The following GALNT6 variants were observed in gnomAD, a reference collection of about 807,000 sequenced individuals.
The protein encoded by GALNT6 is GalNAc transferase 6.
In GALNT6, 51 loss-of-function variants were observed where a neutral mutation model predicts 65.9. That is an observed-to-expected ratio of 0.77 (90% CI 0.62 to 0.98). The LOEUF is 0.98. Ranked by LOEUF, GALNT6 falls within the 50% of genes least tolerant of loss-of-function variation. The probability of loss-of-function intolerance (pLI) is 0.00; values close to 1 mark genes in which losing one functional copy is unlikely to be tolerated. For synonymous variants in GALNT6, 323 were observed against 315.1 expected (o/e 1.02, Z -0.26); for missense variants, 708 against 803.3 (o/e 0.88, Z 1.43).
rs1321735373 is a variant in GALNT6 at position 51,385,096 on chromosome 12, C to T, written c.-103-5212G>A. On this transcript the variant is annotated intron_variant, in intron 2 of 11. Coordinates refer to ENST00000356317, the MANE Select transcript of GALNT6 (RefSeq NM_007210.4). Reference sequence around the variant, plus strand: ...CTTGACCTCCTGGGCTCAAAGGATCCTCCTACCTCAGCCTCTGGAGTAGCT... The same window carrying T: ...CTTGACCTCCTGGGCTCAAAGGATCTTCCTACCTCAGCCTCTGGAGTAGCT... Among the ~76,000 whole-genome samples, 3 of 152,054 alleles carry T rather than the reference C, an allele frequency of 2.0e-5. No homozygotes were observed. The East Asian group carries it at 5.8e-4, about 29-fold the overall frequency.
Position 51,358,200 on chromosome 12 carries a change from A to AAGTTGTGACAGTGC in GALNT6, c.1416_1429dup (p.Phe477CysfsTer22), listed in dbSNP as rs1279986238. On this transcript the variant is annotated frameshift_variant, in exon 9 of 12. Transcript: ENST00000356317. LOFTEE classifies it high-confidence loss of function. ...GTAGACATTGTGCAGGTACCAGGAA[A>AAGTTGTGACAGTGC]AGTTGTGACAGTGCAGTTGTTCCCT... The AAGTTGTGACAGTGC allele has an allele frequency of 1.2e-6, 2 of 1,614,068 alleles. No homozygotes were observed. Among genetic ancestry groups the AAGTTGTGACAGTGC allele is most frequent in the Non-Finnish European group, 1.7e-6 (2 of 1,179,964 alleles).
At chr12:51,390,811 C>G (rs931130420) in intron 2 of GALNT6, 39 bp downstream of exon 2, 3 of 152,238 alleles carry the variant, frequency 2.0e-5, no homozygotes, top group African/African-American at 7.2e-5. Flanking sequence ...GGCAAACTGA[C>G]CACCCTCCAC....
chr12:51,384,385 A>C (rs895697239), intron 2 of GALNT6, among the ~76,000 whole-genome samples: 8 of 152,188 alleles, frequency 5.3e-5, no homozygotes, highest in Non-Finnish European at 1.5e-5. Context: ...TTAGCATTCA[A>C]AAATTTCTTT....
intron 4 of GALNT6, among the ~76,000 whole-genome samples, chr12:51,372,905 C>A (rs1332422578): frequency 1.3e-5 from 2 of 152,252 alleles, no homozygotes; most frequent in African/African-American, 4.8e-5. Flanking sequence ...CAAAGGAAAT[C>A]ACTTTGGAAC....
rs1030711836 is a variant in GALNT6 at position 51,387,174 on chromosome 12, T to C, written c.-104+3676A>G. On this transcript the variant is annotated intron_variant, in intron 2 of 11. Transcript: ENST00000356317. This position sits in a 1 kb window ranked among gnomAD's most constrained non-coding sequence, Gnocchi z 4.2. ...GTGCAGTGGCGGGATCTCGGCTCAC[T>C]GCAACCTCCGACTCCTGGGTTCAAG... 6.6e-6 allele frequency among the ~76,000 whole-genome samples: 1 copy of C among 152,062 alleles called. No individual in the cohort carries two copies. Among genetic ancestry groups the C allele is most frequent in the African/African-American group, 2.4e-5 (1 of 41,392 alleles).
At chr12:51,368,721 C>T (rs570410973) in intron 4 of GALNT6, among the ~76,000 whole-genome samples, 2 of 125,276 alleles carry the variant, frequency 1.6e-5, no homozygotes, top group African/African-American at 3.1e-5. Flanking sequence ...TTTCCTTCTT[C>T]AATCCTACTG....
intron 5 of GALNT6, among the ~76,000 whole-genome samples, chr12:51,364,733 G>A (rs1247945974): frequency 6.6e-6 from 1 of 152,264 alleles, no homozygotes; most frequent in Non-Finnish European, 1.5e-5. Flanking sequence ...GCATCCGCAT[G>A]TCAAGCTTCA....
chr12:51,355,995 AC>A, intron 10 of GALNT6, 37 bp from the exon 11 acceptor site: 1 of 1,606,032 alleles, frequency 6.2e-7, no homozygotes, highest in Non-Finnish European at 8.5e-7. Flanking sequence ...TGGAGAGTTC[AC>A]CCCCAGCCTT....
Position 51,357,364 on chromosome 12 carries a change from G to A in GALNT6, c.1587C>T (p.Gly529=). ...GKPLIMYSCH[G]LGGNQYFEYT... ...GGCTGCATACCTGGTTGCCGCCAAG[G>A]CCGTGGCAGGAGTACATGATGAGGG... Residue 529 remains glycine, a synonymous_variant, in exon 10 of 12, where the codon GGC becomes GGT. Coordinates refer to ENST00000356317, the MANE Select transcript of GALNT6 (RefSeq NM_007210.4). The A allele has an allele frequency of 6.2e-7, 1 of 1,612,372 alleles. No individual in the cohort carries two copies.
Position 51,377,332 on chromosome 12 carries a change from A to C in GALNT6, c.527T>G (p.Leu176Arg). ...VDQKFRRCPP[L>R]ATTSVIIVFH... ...CACAATGATCACGCTGGTGGTGGCC[A>C]GTGGGGGGCAGCGCCGGAACTTCTG... Residue 176 changes from leucine (L) to arginine (R), a missense_variant, in exon 4 of 12, where the codon CTG (leucine) becomes CGG (arginine). Leu to Arg is a moderately radical substitution (Grantham distance 102, BLOSUM62 -2). Transcript: ENST00000356317. 1 of 1,612,788 alleles carries C rather than the reference A, an allele frequency of 6.2e-7. No homozygotes were observed. The highest frequency in any genetic ancestry group is 8.5e-7 in the Non-Finnish European group (1 of 1,180,006).
chr12:51,388,608 G>A (rs1022186776), intron 2 of GALNT6, among the ~76,000 whole-genome samples: 1 of 151,894 alleles, frequency 6.6e-6, no homozygotes, highest in Non-Finnish European at 1.5e-5. Context: ...TCTACTACCC[G>A]TGCTTTCCTT....
intron 2 of GALNT6, among the ~76,000 whole-genome samples, chr12:51,384,691 C>CA (rs747557675): frequency 0.32 from 28,449 of 89,086 alleles, 5,272 homozygotes; most frequent in East Asian, 0.82. Context: ...GACTCTGTCT[C>CA]AAAAAAAAAA....
rs57034265 is a variant in GALNT6 at position 51,375,560 on chromosome 12, C to CTT, written c.664+1633_664+1634dup. On this transcript the variant is annotated intron_variant, in intron 4 of 11. Transcript: ENST00000356317. ...CCACCATGTAAGGGACTCAACTGCT[C>CTT]TTTTTTTTTTTTTTTGAGATGGAGT... 3.4e-4 allele frequency among the ~76,000 whole-genome samples: 48 copies of CTT among 142,638 alleles called. 1 individual carries two copies. The highest frequency in any genetic ancestry group is 1.0e-3 in the East Asian group (5 of 4,886). The allele number at this position is 142,638 out of a possible 152,430, so 93.6% of individuals were successfully genotyped here. A position where few individuals can be genotyped will look rare whatever the true frequency, so the allele number is the denominator to read the frequency against.
chr12:51,357,202 T>G, intron 10 of GALNT6, 147 bp downstream of exon 10: 3 of 548,886 alleles, frequency 5.5e-6, no homozygotes, highest in East Asian at 3.3e-5. Flanking sequence ...AGACCTTGTG[T>G]GTGTTATGCC....
At chr12:51,384,587 G>C (rs1258677753) in intron 2 of GALNT6, among the ~76,000 whole-genome samples, 1 of 150,120 alleles carries the variant, frequency 6.7e-6, no homozygotes, top group Non-Finnish European at 1.5e-5. Context: ...AACTACTCAG[G>C]AGACAGAGGC....
intron 1 of GALNT6, 173 bp from the exon 2 acceptor site, chr12:51,391,110 C>T (rs1565742352): frequency 6.6e-6 from 1 of 152,438 alleles, no homozygotes; most frequent in Non-Finnish European, 1.5e-5. Context: ...TCCTTGCTGT[C>T]CCCTTCTGCT....
rs1293248159 is a variant in GALNT6 at position 51,377,329 on chromosome 12, G to A, written c.530C>T (p.Ala177Val). ...GAACACAATGATCACGCTGGTGGTG[G>A]CCAGTGGGGGGCAGCGCCGGAACTT... ...DQKFRRCPPL[A>V]TTSVIIVFHN... The change falls in exon 4 of 12, where the codon GCC becomes GTC. Residue 177 changes from alanine to valine, a missense_variant. Physicochemically the swap from Ala to Val is moderately conservative, Grantham distance 64 (BLOSUM62 0). Coordinates refer to ENST00000356317, the MANE Select transcript of GALNT6 (RefSeq NM_007210.4). 16 of 1,612,850 alleles carry A rather than the reference G, an allele frequency of 9.9e-6. No homozygotes were observed. The highest frequency in any genetic ancestry group is 1.4e-5 in the Non-Finnish European group (16 of 1,179,986).
At chr12:51,385,695 C>T (rs1262003257) in intron 2 of GALNT6, among the ~76,000 whole-genome samples, 3 of 152,120 alleles carry the variant, frequency 2.0e-5, no homozygotes, top group Non-Finnish European at 4.4e-5. Context: ...CCTTAGCACC[C>T]GATTTTTATT....
chr12:51,385,822 G>C (rs550741084), intron 2 of GALNT6, among the ~76,000 whole-genome samples: 1 of 152,154 alleles, frequency 6.6e-6, no homozygotes, highest in African/African-American at 2.4e-5. Flanking sequence ...ACATATAGCA[G>C]GTGTTCCATA....
Sources: allele counts gnomAD v4.1 joint callset (sites outside exome capture counted in the v4.1 genomes callset), GRCh38; gene constraint gnomAD v4.1.1; non-coding constraint Gnocchi (gnomAD v3.1); transcripts MANE v1.5; gene names NCBI Gene and HGNC (gene_info 2026-07-23, HGNC 2026-07-21).